NAV2: variants seen among roughly 807,000 people sequenced by gnomAD.
NAV2 encodes the protein neuron navigator 2.
NAV2 carries 54 observed loss-of-function variants against 223.2 expected under a neutral mutation model. The observed-to-expected ratio is 0.24, with a 90% CI of 0.19 to 0.30. The LOEUF is 0.30. Among genes scored for constraint, NAV2 ranks in the 10% least tolerant of loss-of-function variants. The pLI is 1.00. For synonymous variants in NAV2, 1,279 were observed against 1,239.3 expected, an observed-to-expected ratio of 1.03 and a Z score of -0.67; for missense variants, 2,806 against 3,147.5, an observed-to-expected ratio of 0.89 and a Z score of 2.60.
At chr11:19,611,388 C>A (rs140476164) in intron 1 of NAV2, among the ~76,000 whole-genome samples, 1 of 152,132 alleles carries the variant, frequency 6.6e-6, no homozygotes. Context: ...CCGACAGTCC[C>A]CCAAAGTCTT....
At chr11:20,037,565 T>C (rs911531170) in intron 12 of NAV2, among the ~76,000 whole-genome samples, 1 of 152,164 alleles carries the variant, frequency 6.6e-6, no homozygotes, top group African/African-American at 2.4e-5. Context: ...TGGTAGTTGT[T>C]TTAAGAAACA....
chr11:19,848,317 T>C (rs898896863), intron 3 of NAV2, among the ~76,000 whole-genome samples: 3 of 152,188 alleles, frequency 2.0e-5, no homozygotes, highest in Non-Finnish European at 4.4e-5. Context: ...TAGGGGTAGG[T>C]AGCCCAGGAC....
intron 1 of NAV2, among the ~76,000 whole-genome samples, chr11:19,439,615 T>C (rs1851330014): frequency 6.6e-6 from 1 of 152,256 alleles, no homozygotes; most frequent in Admixed American, 6.5e-5. Context: ...AGGCCCAACA[T>C]GATACCTGTG....
intron 1 of NAV2, among the ~76,000 whole-genome samples, chr11:19,629,869 T>G (rs1374474479): frequency 6.6e-6 from 1 of 152,220 alleles, no homozygotes; most frequent in Non-Finnish European, 1.5e-5. Context: ...CCTCCAGCTC[T>G]GGCTAAGTCC....
At chr11:19,976,759 G>A (rs1334637841) in intron 10 of NAV2, among the ~76,000 whole-genome samples, 5 of 152,184 alleles carry the variant, frequency 3.3e-5, no homozygotes, top group African/African-American at 1.2e-4. Context: ...GAGAAGCAGG[G>A]GCTGGTGCCC....
At chr11:19,647,566 G>A (rs1232478110) in intron 1 of NAV2, among the ~76,000 whole-genome samples, 1 of 152,116 alleles carries the variant, frequency 6.6e-6, no homozygotes, top group Admixed American at 6.5e-5. Context: ...TCCAGGACAT[G>A]TCAAGCTTCT....
At chr11:20,001,839 G>A (rs1252477700) in intron 11 of NAV2, among the ~76,000 whole-genome samples, 2 of 151,750 alleles carry the variant, frequency 1.3e-5, no homozygotes, top group Non-Finnish European at 2.9e-5. Context: ...ATGTACCCCA[G>A]AATCTAAAGT....
intron 7 of NAV2, among the ~76,000 whole-genome samples, chr11:19,938,176 C>G (rs1016148938): frequency 2.6e-5 from 4 of 152,220 alleles, no homozygotes; most frequent in Non-Finnish European, 5.9e-5. Flanking sequence ...TGGCCATCAT[C>G]TACCACAATA....
chr11:20,115,293 C>G (rs1272408372), intron 37 of NAV2, among the ~76,000 whole-genome samples: 1 of 152,062 alleles, frequency 6.6e-6, no homozygotes, highest in Non-Finnish European at 1.5e-5. Context: ...GTCTTTCACA[C>G]TGTTTAAGCT....
At chr11:19,989,522 T>C (rs1027649291) in intron 11 of NAV2, among the ~76,000 whole-genome samples, 5 of 152,308 alleles carry the variant, frequency 3.3e-5, no homozygotes, top group Admixed American at 3.3e-4. Flanking sequence ...TTTTTTTGTT[T>C]TTAGCTACTA....
intron 1 of NAV2, among the ~76,000 whole-genome samples, chr11:19,446,305 T>C (rs1339461467): frequency 1.3e-5 from 2 of 152,202 alleles, no homozygotes; most frequent in Admixed American, 1.3e-4. Context: ...TATGGGTTCC[T>C]AGATGCCTCC....
rs180852167 is a variant in NAV2, at chr11:19,919,585, A to G, written c.932-13591A>G. ...CCACGTATGAAACTATGGCACTGGA[A>G]GGACAGTTCTCCCTTTCTCCATAGA... On this transcript the variant is annotated intron_variant, in intron 6 of 37. Coordinates refer to ENST00000349880, the MANE Select transcript of NAV2 (RefSeq NM_145117.5). Among the ~76,000 whole-genome samples the G allele has an allele frequency of 6.6e-5, 10 of 152,344 alleles. 1 individual carries two copies. The East Asian group carries it at 1.7e-3, about 26-fold the overall frequency.
In NAV2 at chr11:19,703,825, G is replaced by T. The variant is rs148277379; in HGVS notation, c.76-128659G>T. ...CAGAGAGCTTTCTCAACATTCTACT[G>T]CCTGTGCCCACTCCCAGAATCTGAT... is the stretch of plus-strand genomic sequence containing the variant. On this transcript the variant is annotated intron_variant, in intron 1 of 37. Coordinates refer to the NAV2 transcript ENST00000360655. Among the ~76,000 whole-genome samples the T allele has an allele frequency of 3.3e-3, 505 of 152,308 alleles. 4 individuals are homozygous for T. The highest frequency in any genetic ancestry group is 0.011 in the African/African-American group (459 of 41,568).
chr11:19,664,471 T>C (rs2048360482), intron 1 of NAV2, among the ~76,000 whole-genome samples: 1 of 152,180 alleles, frequency 6.6e-6, no homozygotes, highest in African/African-American at 2.4e-5. Context: ...CAGCAGAATA[T>C]TAATGGAGAG....
At chr11:19,623,750 C>T (rs1178380162) in intron 1 of NAV2, among the ~76,000 whole-genome samples, 7 of 151,296 alleles carry the variant, frequency 4.6e-5, no homozygotes. Context: ...TGTCTGAAAC[C>T]TTCTTCTCTC....
intron 1 of NAV2, among the ~76,000 whole-genome samples, chr11:19,632,638 G>A (rs1451518589): frequency 6.6e-6 from 1 of 152,220 alleles, no homozygotes; most frequent in East Asian, 1.9e-4. Flanking sequence ...AGGGAAAGAT[G>A]TGTCTCCTGA....
chr11:19,574,316 G>A (rs983852856), intron 1 of NAV2, among the ~76,000 whole-genome samples: 14 of 152,192 alleles, frequency 9.2e-5, no homozygotes, highest in African/African-American at 3.1e-4. Flanking sequence ...ATTAGCTACA[G>A]CCCCCCTCAT....
chr11:19,964,196 C>G (rs2048564484), intron 10 of NAV2, among the ~76,000 whole-genome samples: 2 of 152,152 alleles, frequency 1.3e-5, no homozygotes, highest in African/African-American at 4.8e-5. Context: ...AGCTAACAGA[C>G]TGGATTTTCT....
In NAV2 at chr11:19,933,190, T is replaced by G. The variant is rs2045545972; in HGVS notation, c.946T>G (p.Ser316Ala). ...SSHEKEPLAS[S>A]ASSHPGMSDN... is the part of the protein sequence containing the mutation. ...TGTCTCTGCAGAGCCTTTGGCAAGT[T>G]CAGCCTCCTCCCACCCCGGAATGAG... Residue 316 changes from serine to alanine, a missense_variant, in exon 7 of 38, where the codon TCA (serine) becomes GCA (alanine). By Grantham distance (99) the Ser-to-Ala change is moderately conservative (BLOSUM62 1). Transcript: ENST00000349880. This position sits in a 1 kb window ranked among gnomAD's most constrained non-coding sequence, Gnocchi z 4.3. 6.5e-7 allele frequency: 1 copy of G among 1,535,084 alleles called. No homozygotes were observed. The highest frequency in any genetic ancestry group is 8.8e-7 in the Non-Finnish European group (1 of 1,139,352).
Sources: allele counts gnomAD v4.1 joint callset (sites outside exome capture counted in the v4.1 genomes callset), GRCh38; gene constraint gnomAD v4.1.1; non-coding constraint Gnocchi (gnomAD v3.1); transcripts MANE v1.5; gene names NCBI Gene and HGNC (gene_info 2026-07-23, HGNC 2026-07-21).